PARD3: variants seen among roughly 807,000 people sequenced by gnomAD.
PARD3 encodes par-3 family cell polarity regulator.
Under a neutral mutation model 155.4 loss-of-function variants are expected in PARD3, and 75 were observed. That is an observed-to-expected ratio of 0.48 (90% confidence interval 0.40 to 0.58). The LOEUF (loss-of-function observed/expected upper bound fraction) is 0.58. PARD3 is among the 20% of genes least tolerant of loss of function. PARD3 has a pLI of 0.00. For synonymous variants in PARD3, 576 were observed against 610.5 expected (o/e 0.94, Z 0.83); for missense variants, 1,642 against 1,721.7 (o/e 0.95, Z 0.82).
At chr10:34,353,402 A>C (rs1838407401) in intron 14 of PARD3, among the ~76,000 whole-genome samples, 1 of 152,194 alleles carries the variant, frequency 6.6e-6, no homozygotes, top group Admixed American at 6.5e-5. Context: ...GATGCTGTTA[A>C]TCTATAACCT....
chr10:34,290,269 G>T (rs1589070727), intron 20 of PARD3, among the ~76,000 whole-genome samples: 1 of 152,144 alleles, frequency 6.6e-6, no homozygotes, highest in African/African-American at 2.4e-5. Context: ...TTAAAAATCT[G>T]CTGCCATATT....
chr10:34,598,027 T>G (rs2089450711), intron 2 of PARD3, among the ~76,000 whole-genome samples: 1 of 152,194 alleles, frequency 6.6e-6, no homozygotes, highest in African/African-American at 2.4e-5. Context: ...CTTTGAAAAT[T>G]CAGACATTTA....
intron 3 of PARD3, among the ~76,000 whole-genome samples, chr10:34,491,672 A>T (rs1007324032): frequency 1.3e-5 from 2 of 152,244 alleles, no homozygotes; most frequent in Non-Finnish European, 2.9e-5. Flanking sequence ...AAGGAAAACA[A>T]TAATTCTCTA....
chr10:34,497,741 G>A (rs1437656135), intron 3 of PARD3, among the ~76,000 whole-genome samples: 1 of 152,152 alleles, frequency 6.6e-6, no homozygotes, highest in Non-Finnish European at 1.5e-5. Flanking sequence ...GAAGCAACAT[G>A]AAATTTAACA....
chr10:34,148,635 G>A (rs1343130215), intron 22 of PARD3, among the ~76,000 whole-genome samples: 8 of 152,126 alleles, frequency 5.3e-5, no homozygotes, highest in Middle Eastern at 3.2e-3. Context: ...AAATAGATAA[G>A]TGGCATCATA....
At chr10:34,358,983 C>T (rs1839178504) in intron 14 of PARD3, among the ~76,000 whole-genome samples, 164 bp downstream of exon 14, 1 of 152,150 alleles carries the variant, frequency 6.6e-6, no homozygotes, top group African/African-American at 2.4e-5. Flanking sequence ...GAATTAAGAA[C>T]ACAAACCACA....
In PARD3 at chr10:34,368,526, G is replaced by GC. The variant is rs1840218879; in HGVS notation, c.1707+3971dup. Among the ~76,000 whole-genome samples the GC allele has an allele frequency of 2.0e-5, 3 of 152,190 alleles. No homozygotes were observed. In the South Asian group the frequency reaches 6.2e-4, roughly 32 times the overall value. ...TCTCTACTAAAAATACAAAAAATTAGCCAGGCATGGTGGCGGGCACCTGTA... is the reference window on the plus strand; with the variant it reads ...TCTCTACTAAAAATACAAAAAATTAGCCCAGGCATGGTGGCGGGCACCTGTA... On this transcript the variant is annotated intron_variant, in intron 12 of 24. Transcript: ENST00000374788.
chr10:34,355,924 C>CAAAAA (rs869284165), intron 14 of PARD3, among the ~76,000 whole-genome samples: 5,584 of 40,664 alleles, frequency 0.14, 655 homozygotes, highest in South Asian at 0.25. Flanking sequence ...CACTCCGTCT[C>CAAAAA]AAAAAAAAAA....
intron 1 of PARD3, among the ~76,000 whole-genome samples, chr10:34,709,855 C>G (rs1489139331): frequency 6.6e-6 from 1 of 152,170 alleles, no homozygotes; most frequent in Non-Finnish European, 1.5e-5. Flanking sequence ...TTGTATGATT[C>G]TCTCAGCTAC....
chr10:34,536,043 T>C (rs983256324), intron 2 of PARD3, among the ~76,000 whole-genome samples: 1 of 152,104 alleles, frequency 6.6e-6, no homozygotes, highest in African/African-American at 2.4e-5. Context: ...CAAGAGCTGA[T>C]AAAACATTCC....
intron 1 of PARD3, among the ~76,000 whole-genome samples, chr10:34,806,853 T>C (rs757941491): frequency 1.6e-4 from 25 of 152,192 alleles, no homozygotes; most frequent in African/African-American, 4.8e-4. Context: ...CAGGAGTCCC[T>C]GCACAGCTCA....
chr10:34,319,900 T>A (rs1958271801), intron 19 of PARD3, among the ~76,000 whole-genome samples: 1 of 152,216 alleles, frequency 6.6e-6, no homozygotes, highest in South Asian at 2.1e-4. Context: ...TATAAAAACC[T>A]AGGTCTATTG....
At chr10:34,574,731 T>C (rs760660831) in intron 2 of PARD3, among the ~76,000 whole-genome samples, 1 of 152,126 alleles carries the variant, frequency 6.6e-6, no homozygotes, top group Non-Finnish European at 1.5e-5. Flanking sequence ...AACCAAGATA[T>C]AGGAGCTCCT....
At chr10:34,619,056 T>C (rs28700890) in intron 2 of PARD3, among the ~76,000 whole-genome samples, 16 of 148,792 alleles carry the variant, frequency 1.1e-4, no homozygotes, top group African/African-American at 4.0e-4. Context: ...TTTTTTTTTT[T>C]CTTTTTTTTT....
intron 22 of PARD3, among the ~76,000 whole-genome samples, chr10:34,190,847 G>A (rs1014457846): frequency 2.0e-5 from 3 of 152,120 alleles, no homozygotes; most frequent in African/African-American, 4.8e-5. Context: ...TGCCGGTGGG[G>A]AGGAGCAGAG....
rs1590953511 is a variant in PARD3 at position 34,752,683 on chromosome 10, T to C, written c.121-56264A>G. ...TTCAATAGAATATCTTTGCAAAATA[T>C]TCAAGCAAAATGCACTTGCAAAGTG... On this transcript the variant is annotated intron_variant, in intron 1 of 24. Transcript: ENST00000374788. Among the ~76,000 whole-genome samples the C allele has an allele frequency of 2.0e-5, 3 of 152,336 alleles. No individual in the cohort carries two copies. In the South Asian group the frequency reaches 6.2e-4, roughly 32 times the overall value.
At chr10:34,328,820 CA>C (rs1306418035) in intron 19 of PARD3, among the ~76,000 whole-genome samples, 1 of 152,118 alleles carries the variant, frequency 6.6e-6, no homozygotes, top group African/African-American at 2.4e-5. Context: ...TTTCAACAAC[CA>C]AAATTGGAAA....
intron 1 of PARD3, among the ~76,000 whole-genome samples, chr10:34,705,751 CCAAAACCTCAG>C (rs1211185472): frequency 1.3e-5 from 2 of 152,140 alleles, no homozygotes; most frequent in East Asian, 3.9e-4. Context: ...AATACCAATG[CCAAAACCTCAG>C]CACCACAACA....
chr10:34,691,033 T>C (rs536115317), intron 2 of PARD3, among the ~76,000 whole-genome samples: 5 of 152,238 alleles, frequency 3.3e-5, no homozygotes, highest in Middle Eastern at 3.4e-3. Flanking sequence ...GGCAACACAA[T>C]GAGACCCTGT....
Sources: allele counts gnomAD v4.1 joint callset (sites outside exome capture counted in the v4.1 genomes callset), GRCh38; gene constraint gnomAD v4.1.1; transcripts MANE v1.5; gene names NCBI Gene and HGNC (gene_info 2026-07-23, HGNC 2026-07-21).